PCNX2: variants seen among roughly 807,000 people sequenced by gnomAD.
PCNX2 encodes pecanex 2.
Under a neutral mutation model 223.8 loss-of-function variants are expected in PCNX2, and 168 were observed. The ratio of observed to expected loss-of-function variants is 0.75; its 90% CI spans 0.66 to 0.85. PCNX2 has a LOEUF of 0.85. PCNX2 is among the 40% of genes least tolerant of loss of function. PCNX2 has a pLI of 0.00. For synonymous variants in PCNX2, 1,006 were observed against 1,052.6 expected, an observed-to-expected ratio of 0.96 and a Z score of 0.86; for missense variants, 2,507 against 2,675.5, an observed-to-expected ratio of 0.94 and a Z score of 1.39.
At chr1:233,309,706 C>T in the PCNX2 span, among the ~76,000 whole-genome samples, 1 of 151,808 alleles carries the variant, frequency 6.6e-6, no homozygotes, top group South Asian at 2.1e-4. Flanking sequence ...GATGAAACCC[C>T]GTTTCTACTA....
chr1:233,231,458 T>C (rs530588674), intron 9 of PCNX2, among the ~76,000 whole-genome samples: 10 of 152,130 alleles, frequency 6.6e-5, no homozygotes, highest in Non-Finnish European at 2.9e-5. Context: ...AAACAGATAA[T>C]AGGCCCTGTT....
intron 21 of PCNX2, among the ~76,000 whole-genome samples, chr1:233,112,362 T>A (rs1042410974): frequency 2.0e-4 from 30 of 152,212 alleles, no homozygotes; most frequent in Admixed American, 7.2e-4. Context: ...GGAAGCACTT[T>A]AAGGAGGGCC....
chr1:233,111,857 G>A (rs1675135139), intron 21 of PCNX2, among the ~76,000 whole-genome samples: 1 of 152,216 alleles, frequency 6.6e-6, no homozygotes, highest in Admixed American at 6.5e-5. Context: ...TTTTCAGAAA[G>A]TGAAACAAGT....
chr1:233,000,270 G>A lies in PCNX2; in HGVS notation c.5328+35C>T. The A allele has an allele frequency of 6.3e-7, 1 of 1,592,284 alleles. No homozygotes were observed. The highest frequency in any genetic ancestry group is 8.6e-7 in the Non-Finnish European group (1 of 1,160,470). ...TTTCTTCTCAGATAGAGAGACACGA[G>A]CCAACAGGGGACCCAGAAAGTGTGG... On this transcript the variant is annotated intron_variant, in intron 30 of 33. Coordinates refer to ENST00000258229, the MANE Select transcript of PCNX2 (RefSeq NM_014801.4). This position sits in a 1 kb window ranked among gnomAD's most constrained non-coding sequence, Gnocchi z 4.6.
intron 19 of PCNX2, among the ~76,000 whole-genome samples, chr1:233,145,848 C>A (rs532514609): frequency 6.6e-6 from 1 of 152,312 alleles, no homozygotes; most frequent in South Asian, 2.1e-4. Flanking sequence ...CACTTCCTTA[C>A]CTTCGGTGCT....
chr1:233,079,801 G>GTGCT (rs1424163963), intron 23 of PCNX2, among the ~76,000 whole-genome samples: 10 of 152,216 alleles, frequency 6.6e-5, no homozygotes, highest in African/African-American at 2.4e-4. Context: ...TTGCTTTGTG[G>GTGCT]TGCTAAAGGA....
At chr1:233,056,479 A>T (rs149368074) in intron 24 of PCNX2, among the ~76,000 whole-genome samples, 1 of 152,330 alleles carries the variant, frequency 6.6e-6, no homozygotes, top group Non-Finnish European at 1.5e-5. Flanking sequence ...TCACAGTCCC[A>T]CAGCTGCACC....
chr1:233,158,207 C>T (rs1001390602), intron 19 of PCNX2, among the ~76,000 whole-genome samples: 8 of 152,070 alleles, frequency 5.3e-5, no homozygotes, highest in Admixed American at 5.2e-4. Flanking sequence ...TGTTAATGGC[C>T]CACTCCTATC....
At chr1:233,030,141 T>C (rs945572341) in intron 25 of PCNX2, among the ~76,000 whole-genome samples, 4 of 152,222 alleles carry the variant, frequency 2.6e-5, no homozygotes, top group Admixed American at 2.0e-4. Context: ...CTTTTCATTA[T>C]TTGCATCAGA....
chr1:233,013,451 CAAG>C (rs1258542586), intron 28 of PCNX2, among the ~76,000 whole-genome samples: 1 of 151,926 alleles, frequency 6.6e-6, no homozygotes, highest in African/African-American at 2.4e-5. Context: ...CTGCCCCTTT[CAAG>C]AAGGACATTT....
intron 10 of PCNX2, 76 bp from the exon 11 acceptor site, chr1:233,218,260 T>A: frequency 1.7e-6 from 2 of 1,168,200 alleles, no homozygotes; most frequent in Non-Finnish European, 2.3e-6. Context: ...TTTTTTTTTT[T>A]TTTTCTGAGA....
chr1:233,198,950 T>C lies in PCNX2; in HGVS notation c.3055A>G (p.Ser1019Gly), dbSNP rs767295029. 2.3e-5 allele frequency: 37 copies of C among 1,604,706 alleles called. No individual in the cohort carries two copies. The highest frequency in any genetic ancestry group is 5.1e-5 in the Admixed American group (3 of 58,816). ...GTCCTCACACCTACCTTCACTGCAC[T>C]GAAGCAGACTGCGTGGAGCAGGGCG... is the stretch of plus-strand genomic sequence containing the variant. The part of the protein sequence containing the change: ...AAALLHAVCF[S>G]AVKEPWSMQH... The change falls in exon 15 of 34, where the codon AGT becomes GGT. Residue 1019 changes from serine (S) to glycine (G), a missense_variant. Ser to Gly is a moderately conservative substitution (Grantham distance 56, BLOSUM62 0). Transcript: ENST00000258229.
intron 23 of PCNX2, among the ~76,000 whole-genome samples, chr1:233,074,027 G>A (rs561039754): frequency 1.3e-5 from 2 of 152,158 alleles, no homozygotes; most frequent in Non-Finnish European, 1.5e-5. Context: ...CATTCATCTT[G>A]AAGTAGTTTT....
At chr1:233,027,734 T>A (rs1207079246) in intron 25 of PCNX2, among the ~76,000 whole-genome samples, 1 of 152,172 alleles carries the variant, frequency 6.6e-6, no homozygotes, top group Non-Finnish European at 1.5e-5. Flanking sequence ...CCTCTCTTCC[T>A]CCTCCTGCTT....
intron 1 of PCNX2, among the ~76,000 whole-genome samples, chr1:233,280,771 T>C (rs1160478783): frequency 2.0e-5 from 3 of 152,254 alleles, no homozygotes; most frequent in African/African-American, 7.2e-5. Context: ...AGTAACTTTA[T>C]ATTACATCTT....
At chr1:233,263,934 C>G (rs1041664715) in intron 1 of PCNX2, among the ~76,000 whole-genome samples, 3 of 152,182 alleles carry the variant, frequency 2.0e-5, no homozygotes, top group African/African-American at 7.2e-5. Flanking sequence ...CCCTCCCTAA[C>G]CTCCCACTGC....
At chr1:233,306,763 T>C in the PCNX2 span, among the ~76,000 whole-genome samples, 1 of 152,122 alleles carries the variant, frequency 6.6e-6, no homozygotes, top group African/African-American at 2.4e-5. Context: ...TTTCCCTTGG[T>C]GTGTTTATCA....
intron 1 of PCNX2, chr1:233,289,452 T>A: frequency 7.7e-7 from 1 of 1,304,262 alleles, no homozygotes; most frequent in South Asian, 1.2e-5. Context: ...GAACATGGCC[T>A]TCTCCTGGGA....
chr1:233,304,421 G>C, the PCNX2 span, among the ~76,000 whole-genome samples: 1 of 152,198 alleles, frequency 6.6e-6, no homozygotes, highest in Middle Eastern at 3.2e-3. Flanking sequence ...CTATGTTAAT[G>C]AGGAAATGCC....
Sources: allele counts gnomAD v4.1 joint callset (sites outside exome capture counted in the v4.1 genomes callset), GRCh38; gene constraint gnomAD v4.1.1; non-coding constraint Gnocchi (gnomAD v3.1); transcripts MANE v1.5; gene names NCBI Gene and HGNC (gene_info 2026-07-23, HGNC 2026-07-21).